Variants in NR2E1 observed in about 807,000 individuals in gnomAD.
The protein encoded by NR2E1 is nuclear receptor subfamily 2 group E member 1, also known as nuclear receptor TLX.
A neutral mutation model predicts 43.6 loss-of-function variants in NR2E1; 5 were observed. The ratio of observed to expected loss-of-function variants is 0.11; its 90% CI spans 0.06 to 0.24. NR2E1 has a LOEUF of 0.24. Ranked by LOEUF, NR2E1 falls within the 10% of genes least tolerant of loss-of-function variation. NR2E1 has a pLI of 1.00. For synonymous variants in NR2E1, 191 were observed against 195.5 expected (o/e 0.98, Z 0.19); for missense variants, 287 against 496.7 (o/e 0.58, Z 4.01).
intron 5 of NR2E1, among the ~76,000 whole-genome samples, chr6:108,179,685 G>A (rs866696775): frequency 1.5e-4 from 23 of 152,222 alleles, no homozygotes; most frequent in African/African-American, 5.1e-4. Context: ...TGGAAAAAGA[G>A]ACAGATTTTC....
rs142207095 is a variant in NR2E1, at chr6:108,171,486, G to A, written c.54G>A (p.Val18=). The change falls in exon 2 of 9, where the codon GTG becomes GTA. Residue 18 remains valine, a synonymous_variant. Coordinates refer to ENST00000368986, the MANE Select transcript of NR2E1 (RefSeq NM_003269.5). ...TSRILDIPCK[V]CGDRSSGKHY... is the part of the protein sequence containing the mutation. ...GCATTTTAGATATCCCCTGCAAAGT[G>A]TGTGGCGACCGCAGCTCGGGGAAGC... 1.3e-5 allele frequency: 21 copies of A among 1,613,858 alleles called. No individual in the cohort carries two copies. Among genetic ancestry groups the A allele is most frequent in the Non-Finnish European group, 1.6e-5 (19 of 1,180,038 alleles).
Position 108,187,613 on chromosome 6 carries a change from C to A in NR2E1, c.*150C>A. The A allele has an allele frequency of 1.2e-6, 1 of 862,816 alleles. No homozygotes were observed. The highest frequency in any genetic ancestry group is 1.9e-6 in the Non-Finnish European group (1 of 529,824). 53.4% of individuals were successfully genotyped at this position (862,816 alleles called of 1,614,324 possible). On this transcript the variant is annotated 3_prime_UTR_variant, in exon 9 of 9. Transcript: ENST00000368986. ...AAAATGCCAATTGACACAAAGCATT[C>A]CAGTAGCTATGACCTGCCGCCCTGA...
intron 1 of NR2E1, among the ~76,000 whole-genome samples, chr6:108,168,500 T>C (rs1773751497): frequency 2.0e-5 from 3 of 152,252 alleles, no homozygotes; most frequent in African/African-American, 7.2e-5. Context: ...CCTCCGGACT[T>C]TGGGGGAAAA....
At chr6:108,186,126 C>G (rs1774072325) in intron 8 of NR2E1, among the ~76,000 whole-genome samples, 1 of 152,010 alleles carries the variant, frequency 6.6e-6, no homozygotes, top group Non-Finnish European at 1.5e-5. Flanking sequence ...ACAAGGAGAA[C>G]AAGTGGTAGG....
In NR2E1 at chr6:108,188,181, G is replaced by A. The variant is rs1774105799; in HGVS notation, c.*718G>A. The A allele has an allele frequency of 6.6e-6, 1 of 152,458 alleles. No individual in the cohort carries two copies. The highest frequency in any genetic ancestry group is 1.9e-4 in the East Asian group (1 of 5,198). The allele number at this position is 152,458 out of a possible 1,614,324, so 9.4% of individuals were successfully genotyped here. A position where few individuals can be genotyped will look rare whatever the true frequency, so the allele number is the denominator to read the frequency against. ...ACCAGGACTTCAGGTTGGATAACAT[G>A]TCAAAAAGAGAAGAGCTTTACTAAA... On this transcript the variant is annotated 3_prime_UTR_variant, in exon 9 of 9. Transcript: ENST00000368986.
chr6:108,174,795 A>G (rs1773869686), intron 2 of NR2E1, 41 bp from the exon 3 acceptor site: 1 of 1,566,442 alleles, frequency 6.4e-7, no homozygotes, highest in South Asian at 1.1e-5. Context: ...TCTCCAGCCT[A>G]AAGGCCCTGG....
chr6:108,170,175 C>T (rs1773787673), intron 1 of NR2E1, among the ~76,000 whole-genome samples: 2 of 152,170 alleles, frequency 1.3e-5, no homozygotes, highest in African/African-American at 4.8e-5. Flanking sequence ...CATCGTAGTC[C>T]CCAACCCAAG....
At chr6:108,168,405 A>T (rs1773749419) in intron 1 of NR2E1, among the ~76,000 whole-genome samples, 1 of 152,138 alleles carries the variant, frequency 6.6e-6, no homozygotes, top group South Asian at 2.1e-4. Flanking sequence ...TTGAAAGGTG[A>T]GGCCTCAGAG....
chr6:108,171,607 C>A lies in NR2E1; in HGVS notation c.171+4C>A, dbSNP rs770323203. ...TGTCTGCAAATCTGGAAACCAGGTACCTTAGCCAGGGCTGCACTGCTGGGC... is the reference window on the plus strand; with the variant it reads ...TGTCTGCAAATCTGGAAACCAGGTAACTTAGCCAGGGCTGCACTGCTGGGC... On this transcript the variant is annotated splice_donor_region_variant and intron_variant, in intron 2 of 8. Transcript: ENST00000368986. 1 of 1,614,050 alleles carries A rather than the reference C, an allele frequency of 6.2e-7. No individual in the cohort carries two copies. The highest frequency in any genetic ancestry group is 1.3e-5 in the African/African-American group (1 of 75,056).
chr6:108,181,112 G>A (rs1773977632), intron 7 of NR2E1, among the ~76,000 whole-genome samples, 156 bp downstream of exon 7: 1 of 152,102 alleles, frequency 6.6e-6, no homozygotes, highest in Non-Finnish European at 1.5e-5. Flanking sequence ...ATTGCTATGG[G>A]AACCTGCATG....
At chr6:108,178,603 G>A (rs961992143) in intron 5 of NR2E1, among the ~76,000 whole-genome samples, 4 of 152,158 alleles carry the variant, frequency 2.6e-5, no homozygotes, top group African/African-American at 9.7e-5. Flanking sequence ...TAAGAACATT[G>A]GAACTGAGAG....
In NR2E1 at chr6:108,169,771, C is replaced by T. The variant is rs2114670525; in HGVS notation, c.26-1687C>T. On this transcript the variant is annotated intron_variant, in intron 1 of 8. Transcript: ENST00000368986. This position sits in a 1 kb window ranked among gnomAD's most constrained non-coding sequence, Gnocchi z 6.1. ...CCCTCCCACAGCACAATCTCCCCTC[C>T]CGCCCTGTGGGAGGGGGGCGCCGAG... 6.6e-6 allele frequency among the ~76,000 whole-genome samples: 1 copy of T among 152,196 alleles called. No homozygotes were observed. Among genetic ancestry groups the T allele is most frequent in the African/African-American group, 2.4e-5 (1 of 41,542 alleles).
Position 108,166,876 on chromosome 6 carries a change from C to G in NR2E1, c.25+86C>G. 1 of 1,363,396 alleles carries G rather than the reference C, an allele frequency of 7.3e-7. No individual in the cohort carries two copies. The highest frequency in any genetic ancestry group is 1.0e-6 in the Non-Finnish European group (1 of 984,492). 84.5% of individuals were successfully genotyped at this position (1,363,396 alleles called of 1,614,324 possible). A position where few individuals can be genotyped will look rare whatever the true frequency, so the allele number is the denominator to read the frequency against. ...AGGCTGGGGGAGGTCCTGCCTGGAG[C>G]GCTGCGAATCTGAGCCCCTGAGAGG... On this transcript the variant is annotated intron_variant, in intron 1 of 8. Transcript: ENST00000368986. The surrounding 1 kb of genome is among the most constrained non-coding windows in gnomAD (Gnocchi z 7.2).
At chr6:108,185,859 T>G (rs1481250562) in intron 8 of NR2E1, among the ~76,000 whole-genome samples, 2 of 152,204 alleles carry the variant, frequency 1.3e-5, no homozygotes, top group Non-Finnish European at 2.9e-5. Flanking sequence ...TGTCTATAGA[T>G]TCCCCCAAAT....
intron 1 of NR2E1, among the ~76,000 whole-genome samples, chr6:108,167,737 G>T (rs115308918): frequency 0.015 from 2,277 of 152,110 alleles, 38 homozygotes; most frequent in African/African-American, 0.048. Context: ...CCCATATCCC[G>T]AAGTTGCCTT....
chr6:108,188,170 T>C lies in NR2E1; in HGVS notation c.*707T>C, dbSNP rs1424788443. The C allele has an allele frequency of 6.6e-6, 1 of 152,478 alleles. No individual in the cohort carries two copies. Among genetic ancestry groups the C allele is most frequent in the Non-Finnish European group, 1.5e-5 (1 of 68,368 alleles). The allele number at this position is 152,478 out of a possible 1,614,324, so 9.4% of individuals were successfully genotyped here. A position where few individuals can be genotyped will look rare whatever the true frequency, so the allele number is the denominator to read the frequency against. On this transcript the variant is annotated 3_prime_UTR_variant, in exon 9 of 9. Coordinates refer to ENST00000368986, the MANE Select transcript of NR2E1 (RefSeq NM_003269.5). ...ATGAGATTCTCACCAGGACTTCAGG[T>C]TGGATAACATGTCAAAAAGAGAAGA...
intron 2 of NR2E1, among the ~76,000 whole-genome samples, chr6:108,173,830 A>T (rs779975104): frequency 2.6e-5 from 4 of 152,244 alleles, no homozygotes; most frequent in African/African-American, 4.8e-5. Flanking sequence ...ATGACATCTA[A>T]CACTGAATAA....
In NR2E1 at chr6:108,175,009, T is replaced by A. The variant is rs1773873035; in HGVS notation, c.259+86T>A. 5 of 1,248,102 alleles carry A rather than the reference T, an allele frequency of 4.0e-6. No individual in the cohort carries two copies. In the Admixed American group the frequency reaches 5.5e-5, roughly 14 times the overall value. 77.3% of individuals were successfully genotyped at this position (1,248,102 alleles called of 1,614,324 possible). A position where few individuals can be genotyped will look rare whatever the true frequency, so the allele number is the denominator to read the frequency against. On this transcript the variant is annotated intron_variant, in intron 3 of 8. Transcript: ENST00000368986. ...AAAATACATGGCACTCCTATGCATG[T>A]AAATCAACCCCGGAGCGCTTCTTTC... is the stretch of plus-strand genomic sequence containing the variant.
Position 108,180,641 on chromosome 6 carries a change from A to G in NR2E1, c.740-166A>G, listed in dbSNP as rs1359175102. Among the ~76,000 whole-genome samples, 4 of 152,240 alleles carry G rather than the reference A, an allele frequency of 2.6e-5. No homozygotes were observed. Among genetic ancestry groups the G allele is most frequent in the Non-Finnish European group, 5.9e-5 (4 of 68,048 alleles). On this transcript the variant is annotated intron_variant, in intron 6 of 8. Transcript: ENST00000368986. This position sits in a 1 kb window ranked among gnomAD's most constrained non-coding sequence, Gnocchi z 5.4. ...ATTACTGTGTTTGTTATCATCCAAG[A>G]GAAGATTTTATATTAACTTTCATAC...
Sources: allele counts gnomAD v4.1 joint callset (sites outside exome capture counted in the v4.1 genomes callset), GRCh38; gene constraint gnomAD v4.1.1; non-coding constraint Gnocchi (gnomAD v3.1); transcripts MANE v1.5; gene names NCBI Gene and HGNC (gene_info 2026-07-23, HGNC 2026-07-21).